ROBO2: variants seen among roughly 807,000 people sequenced by gnomAD.
ROBO2 encodes the protein roundabout guidance receptor 2.
A neutral mutation model predicts 160.8 loss-of-function variants in ROBO2; 53 were observed. The observed-to-expected ratio is 0.33, with a 90% CI of 0.26 to 0.41. The LOEUF (loss-of-function observed/expected upper bound fraction) is 0.41, where lower values mean the gene tolerates loss of function less well. Ranked by LOEUF, ROBO2 falls within the 10% of genes least tolerant of loss-of-function variation. The pLI, the probability that ROBO2 is intolerant of heterozygous loss-of-function variation, is 1.00. For synonymous variants in ROBO2, 664 were observed against 611.7 expected, an observed-to-expected ratio of 1.09 and a Z score of -1.26; for missense variants, 1,577 against 1,722.4, an observed-to-expected ratio of 0.92 and a Z score of 1.49.
intron 2 of ROBO2, among the ~76,000 whole-genome samples, chr3:77,200,321 A>ATATATATTTTTT (rs1491568129): frequency 1.8e-5 from 1 of 54,914 alleles, no homozygotes; most frequent in Non-Finnish European, 4.1e-5. Flanking sequence ...ATATATATAT[A>ATATATATTTTTT]TTTTAGTTTC....
At chr3:77,396,591 T>C (rs900978062) in intron 2 of ROBO2, among the ~76,000 whole-genome samples, 20 of 152,256 alleles carry the variant, frequency 1.3e-4, no homozygotes, top group African/African-American at 4.1e-4. Flanking sequence ...TTGGTATCTA[T>C]TAAGTTTTTT....
chr3:77,362,275 A>C (rs956550088), intron 2 of ROBO2, among the ~76,000 whole-genome samples: 1 of 152,178 alleles, frequency 6.6e-6, no homozygotes, highest in Non-Finnish European at 1.5e-5. Flanking sequence ...AAATTGAACG[A>C]AACTCCAAAT....
chr3:76,963,073 G>A (rs55818762), intron 2 of ROBO2, among the ~76,000 whole-genome samples: 33,901 of 151,460 alleles, frequency 0.22, 3,921 homozygotes, highest in South Asian at 0.33. Context: ...GGGAACAAAT[G>A]GAAAAAAAGG....
At chr3:77,513,800 G>A (rs879355700) in intron 5 of ROBO2, among the ~76,000 whole-genome samples, 9 of 151,522 alleles carry the variant, frequency 5.9e-5, no homozygotes, top group Non-Finnish European at 1.3e-4. Flanking sequence ...CTCAATTCAC[G>A]GTACAGTGAT....
chr3:75,954,619 A>G (rs1948663675), intron 2 of ROBO2, among the ~76,000 whole-genome samples: 1 of 151,942 alleles, frequency 6.6e-6, no homozygotes, highest in Non-Finnish European at 1.5e-5. Flanking sequence ...AAACAAAACG[A>G]AACAAAGCCA....
chr3:76,936,474 A>G (rs1252789350), intron 2 of ROBO2, among the ~76,000 whole-genome samples: 1 of 152,050 alleles, frequency 6.6e-6, no homozygotes, highest in Non-Finnish European at 1.5e-5. Flanking sequence ...CAAGGCAGTA[A>G]ATGAAAATGT....
At chr3:76,971,172 A>G (rs1331380282) in intron 2 of ROBO2, among the ~76,000 whole-genome samples, 1 of 152,182 alleles carries the variant, frequency 6.6e-6, no homozygotes, top group Non-Finnish European at 1.5e-5. Flanking sequence ...TATGTTATAA[A>G]GAACAACAAA....
At chr3:77,290,805 C>T (rs867106190) in intron 2 of ROBO2, among the ~76,000 whole-genome samples, 2 of 84,392 alleles carry the variant, frequency 2.4e-5, no homozygotes, top group African/African-American at 3.8e-5. Context: ...CTAGATCACC[C>T]CAGACATAAA....
intron 2 of ROBO2, among the ~76,000 whole-genome samples, chr3:76,389,617 A>G (rs2077054224): frequency 6.6e-6 from 1 of 152,202 alleles, no homozygotes; most frequent in African/African-American, 2.4e-5. Flanking sequence ...GATAAAAAAA[A>G]GTATCCATAA....
chr3:77,291,463 G>T (rs1379437175), intron 2 of ROBO2, among the ~76,000 whole-genome samples: 1 of 151,452 alleles, frequency 6.6e-6, no homozygotes, highest in Non-Finnish European at 1.5e-5. Flanking sequence ...AAAATTGATG[G>T]TTAAACGGGT....
intron 2 of ROBO2, among the ~76,000 whole-genome samples, chr3:77,214,089 T>C (rs1204023415): frequency 6.6e-6 from 1 of 152,220 alleles, no homozygotes; most frequent in Non-Finnish European, 1.5e-5. Flanking sequence ...TAGATGTCTA[T>C]TAAGTCTGCT....
intron 2 of ROBO2, among the ~76,000 whole-genome samples, chr3:76,407,828 C>T (rs557469604): frequency 1.6e-4 from 25 of 152,156 alleles, no homozygotes; most frequent in Non-Finnish European, 2.2e-4. Flanking sequence ...GCAGAACAAG[C>T]GAGTCCAACC....
chr3:77,096,873 G>A (rs1053662281), intron 1 of ROBO2, among the ~76,000 whole-genome samples: 1 of 152,130 alleles, frequency 6.6e-6, no homozygotes, highest in African/African-American at 2.4e-5. Flanking sequence ...CAAGCATTTT[G>A]ATATGGTATA....
At chr3:76,182,455 G>A (rs1701552530) in intron 2 of ROBO2, among the ~76,000 whole-genome samples, 1 of 152,104 alleles carries the variant, frequency 6.6e-6, no homozygotes, top group South Asian at 2.1e-4. Context: ...AAGACAACAT[G>A]AAAGTAGGCT....
At chr3:77,596,779 T>C in intron 19 of ROBO2, 29 bp downstream of exon 20, 1 of 1,599,022 alleles carries the variant, frequency 6.3e-7, no homozygotes, top group Non-Finnish European at 8.5e-7. Context: ...AATAGTGTTA[T>C]TTGAGTTCTC....
chr3:76,857,799 C>T (rs781653712), intron 2 of ROBO2, among the ~76,000 whole-genome samples: 3 of 152,148 alleles, frequency 2.0e-5, no homozygotes, highest in African/African-American at 7.2e-5. Flanking sequence ...CGGCTTTTAG[C>T]ATAAAATGAG....
At chr3:77,128,359 C>T (rs776358487) in intron 2 of ROBO2, among the ~76,000 whole-genome samples, 3 of 151,866 alleles carry the variant, frequency 2.0e-5, no homozygotes, top group Non-Finnish European at 2.9e-5. Flanking sequence ...GTTATCAGAT[C>T]AAAAAAACAT....
At chr3:75,981,674 C>T (rs933171353) in intron 2 of ROBO2, among the ~76,000 whole-genome samples, 11 of 151,012 alleles carry the variant, frequency 7.3e-5, no homozygotes, top group Non-Finnish European at 1.6e-4. Flanking sequence ...TTATGGGGCA[C>T]ATGAGATATT....
chr3:77,617,692 G>T, exon 22 of ROBO2: 1 of 1,614,006 alleles, frequency 6.2e-7, no homozygotes, highest in Non-Finnish European at 8.5e-7. Flanking sequence ...CCATCCCCAC[G>T]GGAAGAGATG....
Sources: gnomAD v4.1 joint callset for allele counts (sites outside exome capture counted in the v4.1 genomes callset) on GRCh38, gnomAD v4.1.1 for gene constraint, MANE v1.5 for transcripts, NCBI Gene and HGNC (gene_info 2026-07-23, HGNC 2026-07-21) for gene names.